ZSWIM5: variants seen among roughly 807,000 people sequenced by gnomAD.
ZSWIM5 encodes zinc finger SWIM domain-containing protein 5.
ZSWIM5 carries 55 observed loss-of-function variants against 119.6 expected under a neutral mutation model. The observed-to-expected ratio is 0.46, with a 90% confidence interval of 0.37 to 0.58. The LOEUF is 0.58. Ranked by LOEUF, ZSWIM5 falls within the 20% of genes least tolerant of loss-of-function variation. The pLI is 0.00. For synonymous variants in ZSWIM5, 537 were observed against 606.9 expected (o/e 0.88, Z 1.69); for missense variants, 1,193 against 1,512.8 (o/e 0.79, Z 3.51).
chr1:45,045,749 T>A (rs1645049867), intron 5 of ZSWIM5, among the ~76,000 whole-genome samples: 1 of 152,150 alleles, frequency 6.6e-6, no homozygotes, highest in African/African-American at 2.4e-5. Context: ...CAGTAGGTAC[T>A]GTTCTTAGTG....
At chr1:45,032,862 G>A (rs1007695040) in intron 11 of ZSWIM5, among the ~76,000 whole-genome samples, 6 of 151,394 alleles carry the variant, frequency 4.0e-5, no homozygotes, top group Admixed American at 1.3e-4. Context: ...TGTTTCTAAT[G>A]AGAAATCTGT....
chr1:45,102,452 A>C, intron 1 of ZSWIM5, among the ~76,000 whole-genome samples: 1 of 152,124 alleles, frequency 6.6e-6, no homozygotes, highest in Non-Finnish European at 1.5e-5. Context: ...CTTCCTAAGC[A>C]CTCATTTTTC....
intron 1 of ZSWIM5, among the ~76,000 whole-genome samples, chr1:45,167,103 T>C (rs1049727081): frequency 6.6e-6 from 1 of 152,072 alleles, no homozygotes; most frequent in African/African-American, 2.4e-5. Flanking sequence ...CAAAATAGCA[T>C]GGTACTGGTA....
chr1:45,033,885 C>T (rs530968431), intron 11 of ZSWIM5, among the ~76,000 whole-genome samples: 43 of 149,318 alleles, frequency 2.9e-4, no homozygotes, highest in Non-Finnish European at 5.0e-4. Flanking sequence ...TTTTTTGAGA[C>T]GGAGTCTTGC....
chr1:45,071,718 C>T (rs1396516844), intron 2 of ZSWIM5, among the ~76,000 whole-genome samples: 5 of 152,220 alleles, frequency 3.3e-5, no homozygotes, highest in Admixed American at 3.3e-4. Context: ...TTCGACCTCC[C>T]AAAGTGCTAG....
intron 1 of ZSWIM5, among the ~76,000 whole-genome samples, chr1:45,123,404 A>G (rs1309843220): frequency 1.3e-5 from 2 of 152,236 alleles, no homozygotes; most frequent in Non-Finnish European, 2.9e-5. Context: ...CTCTCAGCAG[A>G]GAAACAGAAG....
At chr1:45,054,356 G>A (rs1443808062) in intron 4 of ZSWIM5, among the ~76,000 whole-genome samples, 1 of 151,866 alleles carries the variant, frequency 6.6e-6, no homozygotes, top group Admixed American at 6.6e-5. Context: ...GCCGAGGCAG[G>A]TGGATCACTT....
intron 1 of ZSWIM5, among the ~76,000 whole-genome samples, chr1:45,198,921 C>T (rs757576075): frequency 1.3e-5 from 2 of 152,072 alleles, no homozygotes; most frequent in Non-Finnish European, 2.9e-5. Flanking sequence ...TTTCCATGAG[C>T]TTTTGAAATC....
intron 2 of ZSWIM5, among the ~76,000 whole-genome samples, chr1:45,083,270 T>G (rs922968630): frequency 1.3e-5 from 2 of 152,174 alleles, no homozygotes. Context: ...TCTTTTAATT[T>G]TTTTTTTTGA....
Position 45,051,062 on chromosome 1 carries a change from CACTTG to C in ZSWIM5, c.1432+7_1432+11del. On this transcript the variant is annotated splice_region_variant and intron_variant, in intron 5 of 13. Transcript: ENST00000359600. ...TCCAGGTACAAAGAGCCTAAAAGGACACTTGGCTCACCTGGGCTGTGAATGGCACT... is the reference window on the plus strand; with the variant it reads ...TCCAGGTACAAAGAGCCTAAAAGGACGCTCACCTGGGCTGTGAATGGCACT... 1 of 1,608,370 alleles carries C rather than the reference CACTTG, an allele frequency of 6.2e-7. No individual in the cohort carries two copies. The highest frequency in any genetic ancestry group is 1.7e-5 in the Admixed American group (1 of 59,260).
chr1:45,173,898 T>C (rs773611564), intron 1 of ZSWIM5, among the ~76,000 whole-genome samples: 23 of 152,148 alleles, frequency 1.5e-4, no homozygotes, highest in African/African-American at 3.1e-4. Context: ...CTTTAGCTTA[T>C]AATCTGAGTA....
At position 45,072,770 on chromosome 1, in the gene ZSWIM5, C is replaced by G. The variant is rs1485715067; in HGVS notation, c.953-12523G>C. On this transcript the variant is annotated intron_variant, in intron 2 of 13. Transcript: ENST00000359600. The surrounding 1 kb of genome is among the most constrained non-coding windows in gnomAD (Gnocchi z 4.1). ...TTGTTTCTAGGTTTTCTATTCTGTTCCATTGGTCTGTGTGTCTATTTTATG... is the reference window on the plus strand; with the variant it reads ...TTGTTTCTAGGTTTTCTATTCTGTTGCATTGGTCTGTGTGTCTATTTTATG... 1.3e-5 allele frequency among the ~76,000 whole-genome samples: 2 copies of G among 151,888 alleles called. No homozygotes were observed. The highest frequency in any genetic ancestry group is 4.9e-5 in the African/African-American group (2 of 41,188).
Position 45,205,810 on chromosome 1 carries a change from G to T in ZSWIM5, c.541C>A (p.Arg181Ser). ...AGCGGEGLPF[R>S]RGIRLLDSGS... ...CTGTCCAGCAGACGGATGCCCCGGCGGAACGGGAGCCCCTCGCCACCGCAG... is the reference window on the plus strand; with the variant it reads ...CTGTCCAGCAGACGGATGCCCCGGCTGAACGGGAGCCCCTCGCCACCGCAG... Residue 181 changes from arginine to serine, a missense_variant, in exon 1 of 14, where the codon CGC becomes AGC. Arg to Ser is a moderately radical substitution (Grantham distance 110). Around this residue, in one of 2 missense-constraint regions of ZSWIM5, gnomAD observed 961 missense variants for 1,290.0 expected, o/e 0.74. Coordinates refer to ENST00000359600, the MANE Select transcript of ZSWIM5 (RefSeq NM_020883.2). The T allele has an allele frequency of 6.5e-7, 1 of 1,543,196 alleles. No individual in the cohort carries two copies. The highest frequency in any genetic ancestry group is 1.4e-5 in the African/African-American group (1 of 71,238).
At position 45,060,234 on chromosome 1, in the gene ZSWIM5, G is replaced by A. The variant is rs528356539; in HGVS notation, c.966C>T (p.Pro322=). Residue 322 remains proline (P), a synonymous_variant, in exon 3 of 14, where the codon CCC becomes CCT. Coordinates refer to ENST00000359600, the MANE Select transcript of ZSWIM5 (RefSeq NM_020883.2). ...EINQVNGAPD[P]TAGASIDDEN... Reference sequence around the variant, plus strand: ...CATCGTCAATGCTGGCCCCAGCTGTGGGGTCAGGGGCACCTATGAAGAATG... The same window carrying A: ...CATCGTCAATGCTGGCCCCAGCTGTAGGGTCAGGGGCACCTATGAAGAATG... The A allele has an allele frequency of 4.8e-5, 78 of 1,613,632 alleles. No homozygotes were observed. The highest frequency in any genetic ancestry group is 5.9e-5 in the Non-Finnish European group (70 of 1,179,982).
Position 45,113,856 on chromosome 1 carries a change from C to T in ZSWIM5, c.596-25619G>A, listed in dbSNP as rs183714600. Among the ~76,000 whole-genome samples, 5 of 152,304 alleles carry T rather than the reference C, an allele frequency of 3.3e-5. No homozygotes were observed. In the East Asian group the frequency reaches 9.6e-4, roughly 29 times the overall value. On this transcript the variant is annotated intron_variant, in intron 1 of 13. Coordinates refer to ENST00000359600, the MANE Select transcript of ZSWIM5 (RefSeq NM_020883.2). ...TCTTTCTCCTAAAAATTATGCTCCT[C>T]CTGATTTCCCAGAATCTGTTAAAGA... is the stretch of plus-strand genomic sequence containing the variant.
intron 1 of ZSWIM5, among the ~76,000 whole-genome samples, chr1:45,134,241 G>T (rs1645676524): frequency 6.6e-6 from 1 of 152,086 alleles, no homozygotes; most frequent in South Asian, 2.1e-4. Context: ...TCCTATCCAT[G>T]AGCATTTTGC....
At chr1:45,068,792 CTTTTTTTTTTTTT>C (rs758235271) in intron 2 of ZSWIM5, among the ~76,000 whole-genome samples, 517 of 46,814 alleles carry the variant, frequency 0.011, 12 homozygotes, top group African/African-American at 0.04. Flanking sequence ...TGTTGTATGT[CTTTTTTTTTTTTT>C]TTTTTTTTTT....
At chr1:45,135,113 C>G (rs150934070) in intron 1 of ZSWIM5, among the ~76,000 whole-genome samples, 1 of 101,580 alleles carries the variant, frequency 9.8e-6, no homozygotes, top group South Asian at 4.0e-4. Context: ...CTAGATCATA[C>G]GGTAATTCTG....
chr1:45,151,424 A>G (rs1192584016), intron 1 of ZSWIM5, among the ~76,000 whole-genome samples: 2 of 152,056 alleles, frequency 1.3e-5, no homozygotes, highest in East Asian at 3.8e-4. Context: ...TTGTTAATTT[A>G]GCCAACAAAT....
Sources: gnomAD v4.1 joint callset for allele counts (sites outside exome capture counted in the v4.1 genomes callset) on GRCh38, gnomAD v4.1.1 for gene constraint, gnomAD v4.1.1 regional missense constraint, Gnocchi (gnomAD v3.1) non-coding constraint, MANE v1.5 for transcripts, NCBI Gene and HGNC (gene_info 2026-07-23, HGNC 2026-07-21) for gene names.